RBKS: variants seen among roughly 807,000 people sequenced by gnomAD.
RBKS encodes the protein ribokinase.
A neutral mutation model predicts 33.9 loss-of-function variants in RBKS; 33 were observed. The observed-to-expected ratio is 0.97, with a 90% CI of 0.74 to 1.30. RBKS has a LOEUF of 1.30. Among genes scored for constraint, RBKS ranks in the 50% most tolerant of loss-of-function variants. RBKS has a pLI of 0.00. For missense variants in RBKS, 361 were observed against 392.6 expected (o/e 0.92, Z 0.68); for synonymous variants, 125 against 143.0 (o/e 0.87, Z 0.90).
rs186758456 is a variant in RBKS at position 27,837,253 on chromosome 2, G to A, written c.515-4476C>T. Among the ~76,000 whole-genome samples, 2 of 152,174 alleles carry A rather than the reference G, an allele frequency of 1.3e-5. No individual in the cohort carries two copies. Among genetic ancestry groups the A allele is most frequent in the East Asian group, 1.9e-4 (1 of 5,188 alleles). ...CGTGCCACTGCACTCCAGCCTGGGC[G>A]ATAGAGCGAGACTCCATCTCAAAAA... On this transcript the variant is annotated intron_variant, in intron 5 of 7. Coordinates refer to ENST00000302188, the MANE Select transcript of RBKS (RefSeq NM_022128.3). This position sits in a 1 kb window ranked among gnomAD's most constrained non-coding sequence, Gnocchi z 4.0.
At chr2:27,814,425 A>G (rs1678049294) in intron 7 of RBKS, among the ~76,000 whole-genome samples, 1 of 152,190 alleles carries the variant, frequency 6.6e-6, no homozygotes, top group African/African-American at 2.4e-5. Flanking sequence ...TTTCATTTGA[A>G]GGAAGAAAGG....
intron 7 of RBKS, among the ~76,000 whole-genome samples, chr2:27,801,992 A>AAATTT (rs1677805062): frequency 2.3e-5 from 1 of 42,696 alleles, no homozygotes; most frequent in Non-Finnish European, 3.7e-5. Context: ...ATATATATAT[A>AAATTT]TTTTTTTTTT....
At chr2:27,797,248 G>A (rs1300162564) in intron 7 of RBKS, among the ~76,000 whole-genome samples, 3 of 152,224 alleles carry the variant, frequency 2.0e-5, no homozygotes, top group South Asian at 4.1e-4. Flanking sequence ...GTGGCATTGC[G>A]CAAGGGTGCC....
intron 1 of RBKS, among the ~76,000 whole-genome samples, chr2:27,861,818 A>AT (rs969239861): frequency 4.0e-5 from 6 of 151,108 alleles, no homozygotes; most frequent in Non-Finnish European, 5.9e-5. Flanking sequence ...TGCCCAGCTA[A>AT]TTTTTTTTGT....
chr2:27,849,559 C>CAAAAAAAAAAAAAAAAAAAAAA (rs70953894), intron 2 of RBKS, among the ~76,000 whole-genome samples: 37 of 28,598 alleles, frequency 1.3e-3, no homozygotes, highest in Non-Finnish European at 2.0e-3. Context: ...GACTCTGTCT[C>CAAAAAAAAAAAAAAAAAAAAAA]AAAAAAAAAA....
intron 7 of RBKS, chr2:27,809,884 T>C (rs992073790): frequency 7.9e-7 from 1 of 1,269,122 alleles, no homozygotes; most frequent in Admixed American, 2.5e-5. Context: ...TTTGAGTAAT[T>C]AGTCATTGCA....
At chr2:27,789,968 T>C (rs1677488328) in intron 7 of RBKS, among the ~76,000 whole-genome samples, 1 of 137,698 alleles carries the variant, frequency 7.3e-6, no homozygotes, top group Non-Finnish European at 1.5e-5. Flanking sequence ...TATATATATA[T>C]ATATGTATAT....
Position 27,890,194 on chromosome 2 carries a change from C to T in RBKS, c.89+63G>A. The stretch of plus-strand genomic sequence containing the variant: ...CCCAGCGCCCAAAAGCTCCACTGGG[C>T]GCATAGCGCACGGCACGCCTCCTCC... On this transcript the variant is annotated intron_variant, in intron 1 of 7. Transcript: ENST00000302188. The surrounding 1 kb of genome is among the most constrained non-coding windows in gnomAD (Gnocchi z 4.8). 1 of 1,508,698 alleles carries T rather than the reference C, an allele frequency of 6.6e-7. No homozygotes were observed. The highest frequency in any genetic ancestry group is 9.2e-7 in the Non-Finnish European group (1 of 1,092,024). 93.5% of individuals were successfully genotyped at this position (1,508,698 alleles called of 1,614,324 possible).
intron 2 of RBKS, among the ~76,000 whole-genome samples, chr2:27,856,221 G>A (rs1663853230): frequency 6.6e-6 from 1 of 152,186 alleles, no homozygotes; most frequent in African/African-American, 2.4e-5. Flanking sequence ...GGTTTTAGCT[G>A]CAGTCATGTT....
intron 7 of RBKS, among the ~76,000 whole-genome samples, chr2:27,821,506 C>T (rs1217535360): frequency 6.6e-6 from 1 of 152,146 alleles, no homozygotes; most frequent in Non-Finnish European, 1.5e-5. Context: ...GAAAGATTTA[C>T]ACCAAAAGGT....
At chr2:27,794,075 G>A (rs374652354) in intron 7 of RBKS, among the ~76,000 whole-genome samples, 193 of 152,064 alleles carry the variant, frequency 1.3e-3, no homozygotes, top group Admixed American at 4.8e-3. Context: ...CAAGGCTGGC[G>A]GATCACCTGA....
intron 7 of RBKS, among the ~76,000 whole-genome samples, chr2:27,794,877 G>T (rs1677636993): frequency 6.6e-6 from 1 of 152,160 alleles, no homozygotes; most frequent in African/African-American, 2.4e-5. Context: ...GCCTGCCTCG[G>T]CCTCCCAAAG....
At chr2:27,876,531 G>A (rs1482421541) in intron 1 of RBKS, among the ~76,000 whole-genome samples, 3 of 152,030 alleles carry the variant, frequency 2.0e-5, no homozygotes, top group African/African-American at 7.2e-5. Flanking sequence ...CTTTCTTGAG[G>A]ACGTTATGCT....
intron 7 of RBKS, among the ~76,000 whole-genome samples, chr2:27,807,176 A>G (rs912460318): frequency 1.3e-5 from 2 of 152,182 alleles, no homozygotes; most frequent in African/African-American, 4.8e-5. Flanking sequence ...AAGGAAGAAC[A>G]CTCTTGCATG....
Position 27,890,373 on chromosome 2 carries a change from G to A in RBKS, c.-28C>T, listed in dbSNP as rs543611264. 3 of 1,603,950 alleles carry A rather than the reference G, an allele frequency of 1.9e-6. No individual in the cohort carries two copies. The highest frequency in any genetic ancestry group is 1.7e-5 in the Admixed American group (1 of 59,344). ...CTCAAAGGTGCTGCTGTCCAACCTG[G>A]ACGGTGACCTCTGCCCTTTGCCCGA... On this transcript the variant is annotated 5_prime_UTR_variant, in exon 1 of 8. Coordinates refer to ENST00000302188, the MANE Select transcript of RBKS (RefSeq NM_022128.3). The surrounding 1 kb of genome is among the most constrained non-coding windows in gnomAD (Gnocchi z 4.8).
At position 27,858,638 on chromosome 2, in the gene RBKS, A is replaced by C. The variant is rs536941826; in HGVS notation, c.90-67T>G. The C allele has an allele frequency of 3.4e-5, 49 of 1,426,550 alleles. No individual in the cohort carries two copies. The African/African-American group carries it at 6.4e-4, about 19-fold the overall frequency. The allele number at this position is 1,426,550 out of a possible 1,614,324, so 88.4% of individuals were successfully genotyped here. ...CTGTAATCAATTTAAGTTCTTTAGA[A>C]GAGAGGGAAGGCTATATGGTAGAGC... On this transcript the variant is annotated intron_variant, in intron 1 of 7. Transcript: ENST00000302188.
chr2:27,854,701 T>C (rs1030194692), intron 2 of RBKS, among the ~76,000 whole-genome samples: 4 of 152,028 alleles, frequency 2.6e-5, no homozygotes, highest in African/African-American at 7.2e-5. Flanking sequence ...TCTGGGCACA[T>C]AGCCTATCAG....
At chr2:27,870,893 G>GA (rs747947292) in intron 1 of RBKS, 12 of 457,716 alleles carry the variant, frequency 2.6e-5, no homozygotes, top group South Asian at 1.9e-4. Context: ...ACATCCTCCT[G>GA]AAAAATACAT....
At chr2:27,863,157 A>G (rs1416751796) in intron 1 of RBKS, among the ~76,000 whole-genome samples, 1 of 152,266 alleles carries the variant, frequency 6.6e-6, no homozygotes, top group Non-Finnish European at 1.5e-5. Flanking sequence ...AAACCTGAAC[A>G]GAGAAAACCA....
Sources: gnomAD v4.1 joint callset for allele counts (sites outside exome capture counted in the v4.1 genomes callset) on GRCh38, gnomAD v4.1.1 for gene constraint, Gnocchi (gnomAD v3.1) non-coding constraint, MANE v1.5 for transcripts, NCBI Gene and HGNC (gene_info 2026-07-23, HGNC 2026-07-21) for gene names.